The following NR1I3 variants were observed in gnomAD, a reference collection of about 807,000 sequenced individuals.
NR1I3 encodes the protein constitutive activator of retinoid response.
Under a neutral mutation model 38.4 loss-of-function variants are expected in NR1I3, and 30 were observed. The ratio of observed to expected loss-of-function variants is 0.78; its 90% CI spans 0.58 to 1.06. NR1I3 has a LOEUF of 1.06. Among genes scored for constraint, NR1I3 ranks in the 50% least tolerant of loss-of-function variants. NR1I3 has a pLI of 0.00. For missense variants in NR1I3, 388 were observed against 435.7 expected (o/e 0.89, Z 0.97); for synonymous variants, 143 against 165.1 (o/e 0.87, Z 1.03).
intron 3 of NR1I3, among the ~76,000 whole-genome samples, chr1:161,233,837 ATGTGTGTGTGTGTGTGTGTGTGTG>A (rs761756944): frequency 2.5e-5 from 3 of 118,578 alleles, no homozygotes; most frequent in East Asian, 2.3e-4. Context: ...TCATATATAT[ATGTGTGTGTGTGTGTGTGTGTGTG>A]TGTGTGTGTG....
Position 161,238,067 on chromosome 1 carries a change from T to G in NR1I3, c.-60A>C. Reference sequence around the variant, plus strand: ...TGCTTCTCTTAGGCAGCATGTCACCTGCAGGCCACAGAATCTGGTATGGAA... The same window carrying G: ...TGCTTCTCTTAGGCAGCATGTCACCGGCAGGCCACAGAATCTGGTATGGAA... On this transcript the variant is annotated 5_prime_UTR_variant, in exon 1 of 9. Coordinates refer to ENST00000367983, the MANE Select transcript of NR1I3 (RefSeq NM_005122.5). 1 of 1,614,034 alleles carries G rather than the reference T, an allele frequency of 6.2e-7. No individual in the cohort carries two copies. The highest frequency in any genetic ancestry group is 8.5e-7 in the Non-Finnish European group (1 of 1,179,868).
rs1439160669 is a variant in NR1I3, at chr1:161,236,222, A to G, written c.107+237T>C. ...TTCACAGGCAGTGGGTACATAATAA[A>G]TGCTCTTGACTAATGGGCTGTGTCC... On this transcript the variant is annotated intron_variant, in intron 2 of 8. Transcript: ENST00000367983. 4.6e-5 allele frequency: 30 copies of G among 646,434 alleles called. 1 individual carries two copies. The Admixed American group carries it at 9.1e-4, about 20-fold the overall frequency. The allele number at this position is 646,434 out of a possible 1,614,324, so 40.0% of individuals were successfully genotyped here.
intron 8 of NR1I3, chr1:161,230,368 C>G: frequency 3.1e-6 from 1 of 324,690 alleles, no homozygotes. Flanking sequence ...GACTATTGAA[C>G]CTGGAACTGG....
chr1:161,234,233 C>A (rs1668119685), intron 3 of NR1I3, among the ~76,000 whole-genome samples: 2 of 151,466 alleles, frequency 1.3e-5, no homozygotes. Flanking sequence ...GAACTCCTGA[C>A]CTCAAGTGAT....
chr1:161,235,978 C>T lies in NR1I3; in HGVS notation c.108-1G>A. ...ACCAATGCTTTTGCTGACTGTTCTC[C>T]TGTGAGACACAGAGATGTTGTTAGA... On this transcript the variant is annotated splice_acceptor_variant, in intron 2 of 8. Coordinates refer to ENST00000367983, the MANE Select transcript of NR1I3 (RefSeq NM_005122.5). LOFTEE classifies it high-confidence loss of function. The T allele has an allele frequency of 6.3e-7, 1 of 1,587,664 alleles. No individual in the cohort carries two copies. The highest frequency in any genetic ancestry group is 8.6e-7 in the Non-Finnish European group (1 of 1,167,528).
intron 3 of NR1I3, among the ~76,000 whole-genome samples, chr1:161,234,655 C>T (rs1248123431): frequency 6.6e-6 from 1 of 152,174 alleles, no homozygotes. Flanking sequence ...ATCCTCTTGT[C>T]TCAGCCTTCC....
At chr1:161,232,589 C>A (rs1184362541) in intron 5 of NR1I3, among the ~76,000 whole-genome samples, 1 of 152,172 alleles carries the variant, frequency 6.6e-6, no homozygotes, top group Non-Finnish European at 1.5e-5. Flanking sequence ...TGAGCCACTG[C>A]GCGGCACCTC....
At chr1:161,232,786 A>C (rs769651293) in intron 5 of NR1I3, 21 bp downstream of exon 5, 1 of 1,613,250 alleles carries the variant, frequency 6.2e-7, no homozygotes, top group Admixed American at 1.7e-5. Flanking sequence ...GCCTCCTGAA[A>C]GATGAGGGGA....
At chr1:161,236,013 G>A (rs1558125653) in intron 2 of NR1I3, 36 bp from the exon 3 acceptor site, 2 of 1,554,232 alleles carry the variant, frequency 1.3e-6, no homozygotes, top group Admixed American at 3.9e-5. Flanking sequence ...AGTCTGGGAT[G>A]CAATGGATAG....
At chr1:161,235,820 T>C (rs1378586800) in intron 3 of NR1I3, 27 bp downstream of exon 3, 1 of 1,613,554 alleles carries the variant, frequency 6.2e-7, no homozygotes. Flanking sequence ...AGTCAATGGA[T>C]TCTTGAGATG....
chr1:161,231,163 T>C lies in NR1I3; in HGVS notation c.765A>G (p.Gln255=). 1 of 1,614,150 alleles carries C rather than the reference T, an allele frequency of 6.2e-7. No individual in the cohort carries two copies. Among genetic ancestry groups the C allele is most frequent in the Non-Finnish European group, 8.5e-7 (1 of 1,180,026 alleles). The change falls in exon 7 of 9, where the codon CAA becomes CAG. Residue 255 remains glutamine, a synonymous_variant. Coordinates refer to ENST00000367983, the MANE Select transcript of NR1I3 (RefSeq NM_005122.5). Reference sequence around the variant, plus strand: ...CAGCCAAGAGCACATACTCAGGCTCTTGGAGCTGCAGTTTTCGTAGTGTTC... The same window carrying C: ...CAGCCAAGAGCACATACTCAGGCTCCTGGAGCTGCAGTTTTCGTAGTGTTC... ...FHGTLRKLQL[Q]EPEYVLLAAM... is the part of the protein sequence containing the mutation.
At position 161,233,199 on chromosome 1, in the gene NR1I3, G is replaced by C; in HGVS notation, c.378C>G (p.Gly126=). ...TLLGAHTRHM[G]TMFEQFVQFR... ...ACTGCACAAACTGTTCAAACATGGT[G>C]CCCATGTGGCGGGTGTGGGCCCCCA... The change falls in exon 4 of 9, where the codon GGC becomes GGG. Residue 126 remains glycine, a synonymous_variant. Transcript: ENST00000367983. The C allele has an allele frequency of 6.2e-7, 1 of 1,614,192 alleles. No individual in the cohort carries two copies. Among genetic ancestry groups the C allele is most frequent in the Non-Finnish European group, 8.5e-7 (1 of 1,180,026 alleles).
rs1362984431 is a variant in NR1I3 at position 161,233,865 on chromosome 1, GTGTGTGTGTGTGTGTGTGTGTGTA to G, written c.239-551_239-528del. On this transcript the variant is annotated intron_variant, in intron 3 of 8. Coordinates refer to ENST00000367983, the MANE Select transcript of NR1I3 (RefSeq NM_005122.5). ...TGTGTGTGTGTGTGTGTGTGTGTGT[GTGTGTGTGTGTGTGTGTGTGTGTA>G]TATGTGTGTGTATATATATGTGTAT... Among the ~76,000 whole-genome samples, 276 of 145,512 alleles carry G rather than the reference GTGTGTGTGTGTGTGTGTGTGTGTA, an allele frequency of 1.9e-3. 1 individual carries two copies. Among genetic ancestry groups the G allele is most frequent in the African/African-American group, 7.1e-3 (261 of 37,002 alleles).
At position 161,230,544 on chromosome 1, in the gene NR1I3, A is replaced by G. The variant is rs1028521775; in HGVS notation, c.917+269T>C. 13 of 569,440 alleles carry G rather than the reference A, an allele frequency of 2.3e-5. No homozygotes were observed. The Admixed American group carries it at 4.0e-4, about 18-fold the overall frequency. The allele number at this position is 569,440 out of a possible 1,614,324, so 35.3% of individuals were successfully genotyped here. On this transcript the variant is annotated intron_variant, in intron 8 of 8. Coordinates refer to ENST00000367983, the MANE Select transcript of NR1I3 (RefSeq NM_005122.5). The stretch of plus-strand genomic sequence containing the variant: ...GGATGTCATCAATCTCAGGAATGCT[A>G]TTACCCAGAGCCTCTGAGCTACTAC...
chr1:161,234,448 C>G (rs1053766481), intron 3 of NR1I3, among the ~76,000 whole-genome samples: 1 of 152,150 alleles, frequency 6.6e-6, no homozygotes, highest in African/African-American at 2.4e-5. Context: ...TGAATTCAGA[C>G]CAAGATCCTT....
chr1:161,230,102 G>A, intron 8 of NR1I3, 176 bp from the exon 9 acceptor site: 2 of 693,892 alleles, frequency 2.9e-6, no homozygotes, highest in Non-Finnish European at 4.7e-6. Flanking sequence ...CCTCCAGGGG[G>A]CCTCGGTCTG....
chr1:161,235,029 T>C (rs1668272946), intron 3 of NR1I3, among the ~76,000 whole-genome samples: 1 of 151,812 alleles, frequency 6.6e-6, no homozygotes, highest in Admixed American at 6.6e-5. Flanking sequence ...TAATCCCAGC[T>C]ATGCAGGAGG....
At chr1:161,235,422 G>A (rs1373551545) in intron 3 of NR1I3, 1 of 156,682 alleles carries the variant, frequency 6.4e-6, no homozygotes, top group Admixed American at 6.2e-5. Flanking sequence ...CCGCCACTAC[G>A]GCCGGCTAAT....
chr1:161,232,757 A>T, intron 5 of NR1I3, 50 bp downstream of exon 5: 1 of 1,591,442 alleles, frequency 6.3e-7, no homozygotes, highest in Non-Finnish European at 8.6e-7. Context: ...GGGTGGATAT[A>T]CAATTTACTG....
Sources: allele counts gnomAD v4.1 joint callset (sites outside exome capture counted in the v4.1 genomes callset), GRCh38; gene constraint gnomAD v4.1.1; transcripts MANE v1.5; gene names NCBI Gene and HGNC (gene_info 2026-07-23, HGNC 2026-07-21).